FSD1L: variants seen among roughly 807,000 people sequenced by gnomAD.
The protein encoded by FSD1L is FSD1-like protein.
Under a neutral mutation model 71.6 loss-of-function variants are expected in FSD1L, and 45 were observed. The ratio of observed to expected loss-of-function variants is 0.63; its 90% CI spans 0.49 to 0.81. FSD1L has a LOEUF of 0.81. Among genes scored for constraint, FSD1L ranks in the 30% least tolerant of loss-of-function variants. The probability of loss-of-function intolerance (pLI) is 0.00; values close to 1 mark genes in which losing one functional copy is unlikely to be tolerated. For synonymous variants in FSD1L, 197 were observed against 207.2 expected, an observed-to-expected ratio of 0.95 and a Z score of 0.42; for missense variants, 561 against 618.1, an observed-to-expected ratio of 0.91 and a Z score of 0.98.
At chr9:105,522,929 A>G (rs1401715704) in intron 10 of FSD1L, 2 of 1,612,882 alleles carry the variant, frequency 1.2e-6, no homozygotes, top group Non-Finnish European at 1.7e-6. Context: ...TGCCCTCAGA[A>G]TGGACTTCTC....
rs532179088 is a variant in FSD1L at position 105,492,949 on chromosome 9, T to G, written c.586+8447T>G. 1.6e-4 allele frequency among the ~76,000 whole-genome samples: 24 copies of G among 152,246 alleles called. No individual in the cohort carries two copies. In the South Asian group the frequency reaches 4.4e-3, roughly 28 times the overall value. ...GTGGTCAATTTTGGAATAGGTGTGG[T>G]GTGGTGCTGAAAAAAATGTATATTC... On this transcript the variant is annotated intron_variant, in intron 7 of 13. Coordinates refer to ENST00000481272, the MANE Select transcript of FSD1L (RefSeq NM_001145313.3).
rs2131559481 is a variant in FSD1L, at chr9:105,551,116, A to AT, written c.*4633_*4634insT. 1 of 152,162 alleles carries AT rather than the reference A, an allele frequency of 6.6e-6. No individual in the cohort carries two copies. The highest frequency in any genetic ancestry group is 2.4e-5 in the African/African-American group (1 of 41,544). 9.4% of individuals were successfully genotyped at this position (152,162 alleles called of 1,614,324 possible). A position where few individuals can be genotyped will look rare whatever the true frequency, so the allele number is the denominator to read the frequency against. ...TGAGAATGCATATATATATTTTTTA[A>AT]CATTTCCTATATATCTAAGGTACCA... is the stretch of plus-strand genomic sequence containing the variant. On this transcript the variant is annotated 3_prime_UTR_variant, in exon 14 of 14. Coordinates refer to ENST00000481272, the MANE Select transcript of FSD1L (RefSeq NM_001145313.3).
intron 5 of FSD1L, among the ~76,000 whole-genome samples, chr9:105,475,747 G>T (rs1276903843): frequency 6.6e-6 from 1 of 152,066 alleles, no homozygotes; most frequent in Non-Finnish European, 1.5e-5. Context: ...AAACAGTTGC[G>T]GACAGTACTG....
chr9:105,532,855 T>G (rs1219029694), intron 10 of FSD1L, among the ~76,000 whole-genome samples: 1 of 152,222 alleles, frequency 6.6e-6, no homozygotes, highest in Non-Finnish European at 1.5e-5. Context: ...AGGAGACAGT[T>G]GAAGTGGTCC....
chr9:105,538,765 G>A (rs56173518), intron 12 of FSD1L, among the ~76,000 whole-genome samples: 2,004 of 152,136 alleles, frequency 0.013, 40 homozygotes, highest in African/African-American at 0.045. Context: ...GCAAGACCCC[G>A]CCTCTGTTAA....
Position 105,546,973 on chromosome 9 carries a change from A to G in FSD1L, c.*490A>G, listed in dbSNP as rs1463290492. ...GAAATCATATGTTGGGAATGGTAAAAAGGTTTTCAAATGGTTTATTTTTCC... is the reference window on the plus strand; with the variant it reads ...GAAATCATATGTTGGGAATGGTAAAGAGGTTTTCAAATGGTTTATTTTTCC... On this transcript the variant is annotated 3_prime_UTR_variant, in exon 14 of 14. Transcript: ENST00000481272. 6.6e-6 allele frequency: 1 copy of G among 152,106 alleles called. No homozygotes were observed. The highest frequency in any genetic ancestry group is 6.6e-5 in the Admixed American group (1 of 15,262). 9.4% of individuals were successfully genotyped at this position (152,106 alleles called of 1,614,324 possible). A position where few individuals can be genotyped will look rare whatever the true frequency, so the allele number is the denominator to read the frequency against.
chr9:105,489,669 C>T (rs1344032405), intron 7 of FSD1L, among the ~76,000 whole-genome samples: 1 of 152,150 alleles, frequency 6.6e-6, no homozygotes, highest in Non-Finnish European at 1.5e-5. Context: ...CCTCACCCCA[C>T]AACAGTCCCC....
At chr9:105,519,372 C>T (rs1055231573) in intron 10 of FSD1L, among the ~76,000 whole-genome samples, 3 of 152,168 alleles carry the variant, frequency 2.0e-5, no homozygotes, top group Non-Finnish European at 2.9e-5. Context: ...AGGCCAATAT[C>T]CCTGATGAAC....
At chr9:105,446,050 A>G (rs1829635490), upstream of FSD1L, among the ~76,000 whole-genome samples, 1 of 152,144 alleles carries the variant, frequency 6.6e-6, no homozygotes, top group Non-Finnish European at 1.5e-5. Context: ...AGTGCATACT[A>G]TGTGGCAGAC....
intron 7 of FSD1L, among the ~76,000 whole-genome samples, chr9:105,495,982 AAAAG>A (rs1833369464): frequency 6.6e-6 from 1 of 151,910 alleles, no homozygotes; most frequent in South Asian, 2.1e-4. Flanking sequence ...AAAAAAAAAA[AAAAG>A]AAAAGGAATT....
At chr9:105,485,184 G>A (rs1323263267) in intron 7 of FSD1L, among the ~76,000 whole-genome samples, 2 of 152,118 alleles carry the variant, frequency 1.3e-5, no homozygotes, top group African/African-American at 4.8e-5. Flanking sequence ...CCTGAGACTG[G>A]GTAATTTATA....
intron 6 of FSD1L, among the ~76,000 whole-genome samples, chr9:105,480,139 G>C (rs1381261493): frequency 1.3e-5 from 2 of 152,124 alleles, no homozygotes; most frequent in African/African-American, 4.8e-5. Flanking sequence ...AGGGTCATGA[G>C]ATTCTCTGAA....
At chr9:105,542,468 T>A (rs1836689997) in intron 13 of FSD1L, among the ~76,000 whole-genome samples, 1 of 152,206 alleles carries the variant, frequency 6.6e-6, no homozygotes, top group African/African-American at 2.4e-5. Flanking sequence ...TTTACTTTAT[T>A]TTTAAGACAG....
chr9:105,513,722 C>A, intron 10 of FSD1L: 1 of 987,632 alleles, frequency 1.0e-6, no homozygotes, highest in Non-Finnish European at 1.5e-6. Context: ...AACCAATAAG[C>A]AGAAGCCATT....
upstream of FSD1L, among the ~76,000 whole-genome samples, chr9:105,446,575 T>TC (rs1004313866): frequency 2.6e-5 from 4 of 152,116 alleles, no homozygotes; most frequent in African/African-American, 9.7e-5. Flanking sequence ...TTTGCCATGT[T>TC]GCCCAGGCTG....
chr9:105,491,719 A>G (rs1225990029), intron 7 of FSD1L, among the ~76,000 whole-genome samples: 3 of 152,016 alleles, frequency 2.0e-5, no homozygotes, highest in Non-Finnish European at 2.9e-5. Context: ...GGGTTGTTGA[A>G]TTTTGTCAAA....
rs1837079663 is a variant in FSD1L, at chr9:105,547,562, T to G, written c.*1079T>G. On this transcript the variant is annotated 3_prime_UTR_variant, in exon 14 of 14. Coordinates refer to ENST00000481272, the MANE Select transcript of FSD1L (RefSeq NM_001145313.3). ...TTGACTTAATTGGCACATGACTTTT[T>G]CAAGCAGCCATTCATTCAGAGGTTT... The G allele has an allele frequency of 6.6e-6, 1 of 152,126 alleles. No individual in the cohort carries two copies. Among genetic ancestry groups the G allele is most frequent in the African/African-American group, 2.4e-5 (1 of 41,454 alleles). The allele number at this position is 152,126 out of a possible 1,614,324, so 9.4% of individuals were successfully genotyped here.
At chr9:105,466,301 G>A (rs1037170139) in intron 3 of FSD1L, among the ~76,000 whole-genome samples, 2 of 152,124 alleles carry the variant, frequency 1.3e-5, no homozygotes, top group East Asian at 1.9e-4. Flanking sequence ...TAAAATATTT[G>A]TACTACCCAA....
At chr9:105,456,024 A>T (rs1269373329) in intron 1 of FSD1L, among the ~76,000 whole-genome samples, 2 of 152,164 alleles carry the variant, frequency 1.3e-5, no homozygotes, top group Non-Finnish European at 1.5e-5. Flanking sequence ...TCTAATTATG[A>T]CCACATGGAT....
Sources: gnomAD v4.1 joint callset for allele counts (sites outside exome capture counted in the v4.1 genomes callset) on GRCh38, gnomAD v4.1.1 for gene constraint, MANE v1.5 for transcripts, NCBI Gene and HGNC (gene_info 2026-07-23, HGNC 2026-07-21) for gene names.